TAFA2: variants seen among roughly 807,000 people sequenced by gnomAD.
TAFA2 encodes the protein chemokine-like protein TAFA-2.
Under a neutral mutation model 18.8 loss-of-function variants are expected in TAFA2, and 7 were observed. The observed-to-expected ratio is 0.37, with a 90% CI of 0.21 to 0.70. The LOEUF (loss-of-function observed/expected upper bound fraction) is 0.70, where lower values mean the gene tolerates loss of function less well. TAFA2 is among the 30% of genes least tolerant of loss of function. The pLI is 0.53. For synonymous variants in TAFA2, 60 were observed against 54.2 expected (o/e 1.11, Z -0.47); for missense variants, 122 against 158.1 (o/e 0.77, Z 1.23).
chr12:61,811,279 C>T (rs1871858113), intron 2 of TAFA2, among the ~76,000 whole-genome samples: 1 of 151,200 alleles, frequency 6.6e-6, no homozygotes. Context: ...AAAAGCCCTA[C>T]AGTTGAAGAA....
At chr12:61,740,988 G>T (rs1278328874) in intron 4 of TAFA2, among the ~76,000 whole-genome samples, 1 of 151,844 alleles carries the variant, frequency 6.6e-6, no homozygotes, top group Non-Finnish European at 1.5e-5. Context: ...TAAGCTATAT[G>T]TATTATTTTT....
intron 1 of TAFA2, among the ~76,000 whole-genome samples, chr12:61,974,252 G>T (rs944270695): frequency 1.3e-5 from 2 of 151,532 alleles, no homozygotes; most frequent in Non-Finnish European, 3.0e-5. Flanking sequence ...AATTTAAAAA[G>T]AAAGAATATT....
intron 1 of TAFA2, among the ~76,000 whole-genome samples, chr12:62,108,068 A>G (rs1869543259): frequency 6.6e-6 from 1 of 152,066 alleles, no homozygotes; most frequent in Non-Finnish European, 1.5e-5. Flanking sequence ...TACACGTGCC[A>G]TGGTGGTTTG....
chr12:61,772,104 C>T (rs920116584), intron 2 of TAFA2, among the ~76,000 whole-genome samples: 2 of 151,764 alleles, frequency 1.3e-5, no homozygotes, highest in African/African-American at 4.8e-5. Flanking sequence ...TAAACACCTT[C>T]ATGTTCACAT....
chr12:61,920,694 C>T (rs1263801665), intron 1 of TAFA2, among the ~76,000 whole-genome samples: 3 of 152,048 alleles, frequency 2.0e-5, no homozygotes, highest in Non-Finnish European at 4.4e-5. Context: ...TGTTAACCTT[C>T]CTTCTGTCAG....
intron 1 of TAFA2, among the ~76,000 whole-genome samples, chr12:61,897,596 A>T (rs1465515939): frequency 6.6e-6 from 1 of 151,962 alleles, no homozygotes; most frequent in Non-Finnish European, 1.5e-5. Context: ...AAATCATCAG[A>T]TCTCATGAGA....
intron 1 of TAFA2, among the ~76,000 whole-genome samples, chr12:62,145,010 T>G (rs1362146228): frequency 6.6e-6 from 1 of 152,244 alleles, no homozygotes; most frequent in Non-Finnish European, 1.5e-5. Context: ...GCCTTCTAAG[T>G]GGATGTTCCC....
chr12:61,816,528 GTA>G (rs1431177826), intron 2 of TAFA2, among the ~76,000 whole-genome samples: 2 of 151,248 alleles, frequency 1.3e-5, no homozygotes, highest in African/African-American at 4.9e-5. Context: ...ATTCCCCTGA[GTA>G]TATACCCAGT....
chr12:62,171,375 A>G (rs571960951), intron 1 of TAFA2, among the ~76,000 whole-genome samples: 5 of 152,194 alleles, frequency 3.3e-5, no homozygotes, highest in Non-Finnish European at 7.3e-5. Flanking sequence ...TTTAAAGAAA[A>G]TGCCAGCTGT....
chr12:61,729,377 G>A (rs11520124), intron 4 of TAFA2, among the ~76,000 whole-genome samples: 42,696 of 151,382 alleles, frequency 0.28, 6,694 homozygotes, highest in South Asian at 0.38. Context: ...AGGTTTGGTC[G>A]TTTAACATAA....
chr12:61,799,631 G>A (rs960290175), intron 2 of TAFA2, among the ~76,000 whole-genome samples: 1 of 152,106 alleles, frequency 6.6e-6, no homozygotes, highest in Non-Finnish European at 1.5e-5. Context: ...GACCATCCTG[G>A]CTAACACGGT....
chr12:62,237,683 T>C (rs1258121579), intron 1 of TAFA2, among the ~76,000 whole-genome samples: 1 of 152,258 alleles, frequency 6.6e-6, no homozygotes, highest in Non-Finnish European at 1.5e-5. Context: ...AGGATATGTT[T>C]ACCTAGAGAT....
chr12:62,020,056 T>C (rs1308911154), intron 1 of TAFA2, among the ~76,000 whole-genome samples: 2 of 152,214 alleles, frequency 1.3e-5, no homozygotes, highest in African/African-American at 4.8e-5. Flanking sequence ...AGTCTCATCA[T>C]TATAGATTAA....
At chr12:62,076,964 C>A (rs912705439) in intron 1 of TAFA2, among the ~76,000 whole-genome samples, 1 of 152,042 alleles carries the variant, frequency 6.6e-6, no homozygotes, top group Non-Finnish European at 1.5e-5. Context: ...AGAAATGAAG[C>A]CTCGATGAGT....
Position 61,754,990 on chromosome 12 carries a change from C to T in TAFA2, c.141G>A (p.Val47=), listed in dbSNP as rs779924055. The T allele has an allele frequency of 8.1e-6, 13 of 1,612,710 alleles. No homozygotes were observed. Among genetic ancestry groups the T allele is most frequent in the Admixed American group, 3.3e-5 (2 of 59,836 alleles). ...TCTTATTACAGCATCTGTGGAGTGC[C>T]ACCACCTCACAAGTTCCCGTTTTAA... is the stretch of plus-strand genomic sequence containing the variant. ...HHVKTGTCEV[V]ALHRCCNKNK... is the part of the protein sequence containing the mutation. Residue 47 remains valine, a synonymous_variant, in exon 3 of 5, where the codon GTG becomes GTA. Transcript: ENST00000416284.
chr12:61,880,697 C>T, intron 1 of TAFA2: 1 of 363,166 alleles, frequency 2.8e-6, no homozygotes, highest in Non-Finnish European at 5.4e-6. Flanking sequence ...CCAGCTCCAC[C>T]AGGGCTATGG....
chr12:62,128,607 G>A (rs1056771449), intron 1 of TAFA2, among the ~76,000 whole-genome samples: 3 of 151,910 alleles, frequency 2.0e-5, no homozygotes, highest in African/African-American at 7.2e-5. Flanking sequence ...CCCTCTCCCC[G>A]CTCTCCCTTC....
chr12:62,047,687 G>A (rs1881945058), intron 1 of TAFA2, among the ~76,000 whole-genome samples: 1 of 151,952 alleles, frequency 6.6e-6, no homozygotes, highest in African/African-American at 2.4e-5. Context: ...TTTCCTTGAG[G>A]TATACATAGC....
intron 2 of TAFA2, among the ~76,000 whole-genome samples, chr12:61,825,314 T>C (rs963029353): frequency 6.6e-6 from 1 of 152,004 alleles, no homozygotes; most frequent in Non-Finnish European, 1.5e-5. Flanking sequence ...AGACAGTTGA[T>C]AGAGAGAAAC....
Sources: gnomAD v4.1 joint callset for allele counts (sites outside exome capture counted in the v4.1 genomes callset) on GRCh38, gnomAD v4.1.1 for gene constraint, MANE v1.5 for transcripts, NCBI Gene and HGNC (gene_info 2026-07-23, HGNC 2026-07-21) for gene names.